Variants in CDON observed in about 807,000 individuals in gnomAD.
The protein encoded by CDON is cell adhesion associated, oncogene regulated, also known as cell adhesion molecule-related/down-regulated by oncogenes.
Under a neutral mutation model 120.9 loss-of-function variants are expected in CDON, and 73 were observed. The ratio of observed to expected loss-of-function variants is 0.60; its 90% CI spans 0.50 to 0.73. CDON has a LOEUF of 0.73. Among genes scored for constraint, CDON ranks in the 30% least tolerant of loss-of-function variants. The pLI, the probability that CDON is intolerant of heterozygous loss-of-function variation, is 0.00. For missense variants in CDON, 1,470 were observed against 1,587.3 expected (o/e 0.93, Z 1.26); for synonymous variants, 566 against 573.5 (o/e 0.99, Z 0.19).
intron 1 of CDON, among the ~76,000 whole-genome samples, chr11:126,025,883 AAACT>A (rs1442311817): frequency 6.6e-6 from 1 of 152,166 alleles, no homozygotes; most frequent in Non-Finnish European, 1.5e-5. Context: ...AAAACTAGTA[AAACT>A]AACAATGTCC....
intron 15 of CDON, among the ~76,000 whole-genome samples, chr11:125,984,878 C>T (rs1303272197): frequency 6.6e-6 from 1 of 152,094 alleles, no homozygotes; most frequent in African/African-American, 2.4e-5. Flanking sequence ...CATTCCAAAA[C>T]CTCACACATA....
chr11:126,005,645 T>C, intron 9 of CDON, 114 bp downstream of exon 9: 1 of 978,062 alleles, frequency 1.0e-6, no homozygotes, highest in Non-Finnish European at 1.6e-6. Flanking sequence ...CTCATCAGTC[T>C]GGAAGACTCT....
intron 18 of CDON, among the ~76,000 whole-genome samples, chr11:125,977,537 G>C (rs1946180835): frequency 6.6e-6 from 1 of 152,142 alleles, no homozygotes; most frequent in South Asian, 2.1e-4. Context: ...TGGTTGTAGA[G>C]TTTTAGGACT....
chr11:126,008,680 T>C (rs1402122600), intron 8 of CDON, among the ~76,000 whole-genome samples: 1 of 152,170 alleles, frequency 6.6e-6, no homozygotes, highest in East Asian at 1.9e-4. Context: ...CCCAAGGAGC[T>C]CCTGCAACTA....
At chr11:125,962,475 C>T (rs1257932834) in intron 18 of CDON, among the ~76,000 whole-genome samples, 2 of 152,204 alleles carry the variant, frequency 1.3e-5, no homozygotes, top group Non-Finnish European at 1.5e-5. Context: ...TTATATGTTC[C>T]CCCTCATTCC....
At chr11:125,984,453 T>C (rs1406562271) in intron 15 of CDON, among the ~76,000 whole-genome samples, 1 of 152,164 alleles carries the variant, frequency 6.6e-6, no homozygotes, top group Non-Finnish European at 1.5e-5. Flanking sequence ...TCCCAGCACT[T>C]TGGGAGGCCG....
chr11:125,990,120 A>T (rs1189840615), intron 14 of CDON, among the ~76,000 whole-genome samples: 1 of 152,188 alleles, frequency 6.6e-6, no homozygotes, highest in Non-Finnish European at 1.5e-5. Context: ...TAACCCAGCA[A>T]GTCAATCCAT....
intron 19 of CDON, 37 bp downstream of exon 19, chr11:125,961,687 T>C (rs773498907): frequency 6.2e-7 from 1 of 1,613,758 alleles, no homozygotes; most frequent in Non-Finnish European, 8.5e-7. Flanking sequence ...TAACTGAAGA[T>C]GATCTGGAAT....
intron 10 of CDON, among the ~76,000 whole-genome samples, chr11:126,002,499 T>C (rs1946975009): frequency 6.6e-6 from 1 of 152,212 alleles, no homozygotes; most frequent in Non-Finnish European, 1.5e-5. Context: ...TACAGTGCCA[T>C]ACTAAAATAC....
At chr11:125,981,702 T>C (rs2134446658) in intron 16 of CDON, among the ~76,000 whole-genome samples, 1 of 152,142 alleles carries the variant, frequency 6.6e-6, no homozygotes, top group South Asian at 2.1e-4. Flanking sequence ...ATGAATATAT[T>C]GGGCAAGCTG....
intron 8 of CDON, among the ~76,000 whole-genome samples, chr11:126,009,143 C>G (rs537381475): frequency 3.9e-5 from 6 of 152,200 alleles, no homozygotes; most frequent in Non-Finnish European, 8.8e-5. Context: ...ACACAGCCCA[C>G]GTGCTCAGCC....
At chr11:125,981,970 C>CTTTTTTTTTTTTTTTTTTTTTTTTTT (rs61446837) in intron 16 of CDON, among the ~76,000 whole-genome samples, 2 of 54,296 alleles carry the variant, frequency 3.7e-5, no homozygotes, top group African/African-American at 8.0e-5. Context: ...ATTCTATTTT[C>CTTTTTTTTTTTTTTTTTTTTTTTTTT]TTTTTTTTTT....
chr11:125,994,501 T>C lies in CDON; in HGVS notation c.2545-112A>G, dbSNP rs1175691447. On this transcript the variant is annotated intron_variant, in intron 13 of 19. Transcript: ENST00000531738. The stretch of plus-strand genomic sequence containing the variant: ...TTTTTCTAGGTTCATTTTGCAAACA[T>C]ACTAATAATGGCCATTTTTAATTTA... 3 of 710,768 alleles carry C rather than the reference T, an allele frequency of 4.2e-6. No homozygotes were observed. The African/African-American group carries it at 5.3e-5, about 13-fold the overall frequency. The allele number at this position is 710,768 out of a possible 1,614,324, so 44.0% of individuals were successfully genotyped here.
At chr11:126,028,634 A>T (rs1591404723) in intron 1 of CDON, among the ~76,000 whole-genome samples, 1 of 152,216 alleles carries the variant, frequency 6.6e-6, no homozygotes, top group East Asian at 1.9e-4. Context: ...AAGTGCTAGG[A>T]TTACAGGCAT....
chr11:125,996,161 AAC>A (rs35536827), intron 12 of CDON, among the ~76,000 whole-genome samples: 32,774 of 145,448 alleles, frequency 0.23, 3,627 homozygotes, highest in East Asian at 0.36. Flanking sequence ...GTCACAGCAA[AAC>A]ACACACACAC....
At chr11:125,999,494 C>T (rs527488734) in intron 11 of CDON, among the ~76,000 whole-genome samples, 1 of 152,194 alleles carries the variant, frequency 6.6e-6, no homozygotes, top group Non-Finnish European at 1.5e-5. Flanking sequence ...ATGTGGAAAT[C>T]TGTTCCTCAT....
chr11:126,005,739 G>T lies in CDON; in HGVS notation c.1851+20C>A. On this transcript the variant is annotated intron_variant, in intron 9 of 19. Coordinates refer to ENST00000531738, the MANE Select transcript of CDON (RefSeq NM_001378964.1). ...CGTTCAGGTGTGAGCCGAGAAAGATGATAAACGACAAGACATTACCTTTCG... is the reference window on the plus strand; with the variant it reads ...CGTTCAGGTGTGAGCCGAGAAAGATTATAAACGACAAGACATTACCTTTCG... 6.2e-7 allele frequency: 1 copy of T among 1,609,922 alleles called. No homozygotes were observed. Among genetic ancestry groups the T allele is most frequent in the South Asian group, 1.1e-5 (1 of 90,870 alleles).
intron 8 of CDON, 79 bp downstream of exon 8, chr11:126,010,257 TTAAAA>T (rs1156953780): frequency 5.6e-5 from 56 of 992,914 alleles, no homozygotes; most frequent in Admixed American, 1.1e-4. Flanking sequence ...GCTGGATTCA[TTAAAA>T]TAACATATTT....
At chr11:126,009,824 T>C (rs182633556) in intron 8 of CDON, among the ~76,000 whole-genome samples, 1 of 152,198 alleles carries the variant, frequency 6.6e-6, no homozygotes, top group Non-Finnish European at 1.5e-5. Context: ...TCAAAAATCA[T>C]ATATAGTTTT....
Sources: allele counts gnomAD v4.1 joint callset (sites outside exome capture counted in the v4.1 genomes callset), GRCh38; gene constraint gnomAD v4.1.1; transcripts MANE v1.5; gene names NCBI Gene and HGNC (gene_info 2026-07-23, HGNC 2026-07-21).